Variants in CNBD1 observed in about 807,000 individuals in gnomAD.
CNBD1 encodes cyclic nucleotide-binding domain-containing protein 1.
CNBD1 carries 71 observed loss-of-function variants against 54.4 expected under a neutral mutation model. The observed-to-expected ratio is 1.30, with a 90% CI of 1.08 to 1.59. The LOEUF (loss-of-function observed/expected upper bound fraction) is 1.59. Ranked by LOEUF, CNBD1 falls within the 40% of genes most tolerant of loss-of-function variation. The probability of loss-of-function intolerance (pLI) is 0.00; values close to 1 mark genes in which losing one functional copy is unlikely to be tolerated. For missense variants in CNBD1, 659 were observed against 518.0 expected (o/e 1.27, Z -2.64); for synonymous variants, 182 against 170.7 (o/e 1.07, Z -0.51).
At chr8:87,350,005 A>G (rs1481540567) in intron 8 of CNBD1, among the ~76,000 whole-genome samples, 4 of 152,190 alleles carry the variant, frequency 2.6e-5, no homozygotes, top group Non-Finnish European at 5.9e-5. Context: ...AGTTAAAAAT[A>G]ATGGATTTCT....
At chr8:87,053,573 C>T (rs1273834471) in intron 4 of CNBD1, among the ~76,000 whole-genome samples, 1 of 152,150 alleles carries the variant, frequency 6.6e-6, no homozygotes, top group Non-Finnish European at 1.5e-5. Context: ...TTGTCTGGGT[C>T]CTGGTAACCT....
At chr8:87,157,991 G>A (rs1670890586) in intron 4 of CNBD1, among the ~76,000 whole-genome samples, 1 of 152,090 alleles carries the variant, frequency 6.6e-6, no homozygotes, top group Non-Finnish European at 1.5e-5. Context: ...ATATGAGTAT[G>A]AGCAAGTTAC....
chr8:87,314,914 A>G (rs1406549982), intron 8 of CNBD1, among the ~76,000 whole-genome samples: 1 of 152,058 alleles, frequency 6.6e-6, no homozygotes, highest in East Asian at 1.9e-4. Flanking sequence ...TGGATAGGAA[A>G]ATGCTTTGCT....
rs553806942 is a variant in CNBD1 at position 87,109,700 on chromosome 8, G to A, written c.432-96293G>A. 1.1e-4 allele frequency among the ~76,000 whole-genome samples: 17 copies of A among 151,580 alleles called. No homozygotes were observed. In the East Asian group the frequency reaches 2.9e-3, roughly 26 times the overall value. On this transcript the variant is annotated intron_variant, in intron 4 of 10. Transcript: ENST00000518476. ...ACTACAGGCGCCCGCCACCACACCC[G>A]GCTAATTTTTTGTATTTTTAGTAGA...
chr8:86,924,165 A>G (rs1809320743), intron 3 of CNBD1, among the ~76,000 whole-genome samples: 2 of 152,188 alleles, frequency 1.3e-5, no homozygotes, highest in African/African-American at 4.8e-5. Flanking sequence ...TGGGACTAAA[A>G]TCTACTTGAG....
chr8:87,309,596 G>C (rs762960740), intron 8 of CNBD1, among the ~76,000 whole-genome samples: 6 of 152,056 alleles, frequency 3.9e-5, no homozygotes, highest in Non-Finnish European at 5.9e-5. Context: ...AGTTTTTGTA[G>C]ACTTCCATAA....
At chr8:87,170,248 G>A (rs375527153) in intron 4 of CNBD1, among the ~76,000 whole-genome samples, 3 of 152,056 alleles carry the variant, frequency 2.0e-5, no homozygotes, top group African/African-American at 7.2e-5. Context: ...ATTTGTGTGT[G>A]TTGATTTTAT....
chr8:87,191,564 A>C (rs1813610543), intron 4 of CNBD1, among the ~76,000 whole-genome samples: 1 of 152,020 alleles, frequency 6.6e-6, no homozygotes, highest in Non-Finnish European at 1.5e-5. Flanking sequence ...TTTTTCTTAT[A>C]CTCAGTTTTC....
intron 4 of CNBD1, among the ~76,000 whole-genome samples, chr8:87,200,365 C>T (rs973210157): frequency 1.2e-4 from 19 of 152,070 alleles, no homozygotes; most frequent in Admixed American, 9.2e-4. Flanking sequence ...GAAAATAACT[C>T]ATGCTGTGAA....
At chr8:87,341,414 G>A (rs967787990) in intron 8 of CNBD1, among the ~76,000 whole-genome samples, 3 of 152,132 alleles carry the variant, frequency 2.0e-5, no homozygotes, top group Admixed American at 1.3e-4. Context: ...GGGGGAAACT[G>A]GTTGCTGGGA....
chr8:87,053,761 G>GA lies in CNBD1; in HGVS notation c.431+114013dup, dbSNP rs1196447758. ...GGTCTCCCAGGTATATGGATCCTGG[G>GA]AAAAAACTGTATAATAGTTGTACTT... On this transcript the variant is annotated intron_variant, in intron 4 of 10. Transcript: ENST00000518476. Among the ~76,000 whole-genome samples, 6 of 152,258 alleles carry GA rather than the reference G, an allele frequency of 3.9e-5. No individual in the cohort carries two copies. The South Asian group carries it at 6.2e-4, about 16-fold the overall frequency.
intron 4 of CNBD1, among the ~76,000 whole-genome samples, chr8:87,057,667 G>A (rs553274222): frequency 1.3e-5 from 2 of 152,104 alleles, no homozygotes; most frequent in Non-Finnish European, 2.9e-5. Context: ...TGGCCAACAT[G>A]GTGAAACCCT....
rs1466433080 is a variant in CNBD1 at position 87,361,472 on chromosome 8, C to CAATG, written c.1303+7686_1303+7687insAATG. Among the ~76,000 whole-genome samples the CAATG allele has an allele frequency of 5.9e-5, 9 of 151,520 alleles. No homozygotes were observed. In the South Asian group the frequency reaches 1.9e-3, roughly 31 times the overall value. ...GGCTATGTGAAGATGATATAGCTTA[C>CAATG]CATTAATAGATGAAAAAGCAATTTC... On this transcript the variant is annotated intron_variant, in intron 10 of 10. Coordinates refer to ENST00000518476, the MANE Select transcript of CNBD1 (RefSeq NM_173538.3).
intron 10 of CNBD1, among the ~76,000 whole-genome samples, chr8:87,354,255 T>C (rs550060569): frequency 7.2e-6 from 1 of 139,648 alleles, no homozygotes; most frequent in Non-Finnish European, 1.6e-5. Context: ...ATAATATTAG[T>C]CTAAGTCACA....
chr8:87,414,306 G>A (rs1292903665), intron 2 of CNBD1, among the ~76,000 whole-genome samples: 1 of 152,016 alleles, frequency 6.6e-6, no homozygotes, highest in Non-Finnish European at 1.5e-5. Flanking sequence ...CTCACTCATA[G>A]GTGGGAATTG....
chr8:87,135,637 C>T (rs1315792049), intron 4 of CNBD1, among the ~76,000 whole-genome samples: 3 of 147,416 alleles, frequency 2.0e-5, no homozygotes, highest in African/African-American at 4.9e-5. Context: ...ATATATATTA[C>T]ATATTATATA....
At chr8:86,979,097 G>A (rs773014696) in intron 4 of CNBD1, among the ~76,000 whole-genome samples, 32 of 151,984 alleles carry the variant, frequency 2.1e-4, no homozygotes, top group Non-Finnish European at 4.4e-4. Flanking sequence ...TACATTTTGA[G>A]TCAATCAGGG....
intron 2 of CNBD1, among the ~76,000 whole-genome samples, chr8:87,424,381 T>C (rs1191149198): frequency 6.6e-6 from 1 of 152,174 alleles, no homozygotes; most frequent in Non-Finnish European, 1.5e-5. Context: ...GTGTCAATTT[T>C]GGATCTTTCC....
intron 4 of CNBD1, among the ~76,000 whole-genome samples, chr8:87,081,643 T>A (rs1319812702): frequency 6.6e-6 from 1 of 151,744 alleles, no homozygotes; most frequent in African/African-American, 2.4e-5. Context: ...GTAGCTGGGA[T>A]AACAGGCGCG....
Sources: allele counts gnomAD v4.1 joint callset (sites outside exome capture counted in the v4.1 genomes callset), GRCh38; gene constraint gnomAD v4.1.1; transcripts MANE v1.5; gene names NCBI Gene and HGNC (gene_info 2026-07-23, HGNC 2026-07-21).